Variants in FER observed in about 807,000 individuals in gnomAD.
FER encodes FER tyrosine kinase.
A neutral mutation model predicts 111.0 loss-of-function variants in FER; 63 were observed. The ratio of observed to expected loss-of-function variants is 0.57; its 90% CI spans 0.46 to 0.70. FER has a LOEUF of 0.70. Among genes scored for constraint, FER ranks in the 30% least tolerant of loss-of-function variants. The pLI is 0.00. For synonymous variants in FER, 327 were observed against 313.9 expected, an observed-to-expected ratio of 1.04 and a Z score of -0.44; for missense variants, 914 against 954.0, an observed-to-expected ratio of 0.96 and a Z score of 0.55.
chr5:109,113,930 G>A (rs1243873199), intron 17 of FER, among the ~76,000 whole-genome samples: 4 of 152,008 alleles, frequency 2.6e-5, no homozygotes, highest in Non-Finnish European at 4.4e-5. Flanking sequence ...ATGGGAAATA[G>A]GCAACAGATG....
At chr5:108,769,176 G>A (rs1752633529) in intron 2 of FER, among the ~76,000 whole-genome samples, 1 of 152,138 alleles carries the variant, frequency 6.6e-6, no homozygotes, top group Non-Finnish European at 1.5e-5. Context: ...ATTTGGAGTT[G>A]AGGAGGTGGA....
At chr5:108,890,014 C>T (rs966858600) in intron 9 of FER, among the ~76,000 whole-genome samples, 6 of 151,996 alleles carry the variant, frequency 3.9e-5, no homozygotes, top group African/African-American at 1.4e-4. Flanking sequence ...AATATCACAA[C>T]CCAGATACTG....
chr5:108,846,804 C>T lies in FER; in HGVS notation c.481+10997C>T, dbSNP rs142631170. On this transcript the variant is annotated intron_variant, in intron 5 of 19. Coordinates refer to ENST00000281092, the MANE Select transcript of FER (RefSeq NM_005246.4). Reference sequence around the variant, plus strand: ...TTCACCATGTTAGCCATGATGGTCTCGATCTCCTGACTTTGTGATCTTCCC... The same window carrying T: ...TTCACCATGTTAGCCATGATGGTCTTGATCTCCTGACTTTGTGATCTTCCC... Among the ~76,000 whole-genome samples, 118 of 152,104 alleles carry T rather than the reference C, an allele frequency of 7.8e-4. 1 individual carries two copies. Among genetic ancestry groups the T allele is most frequent in the Admixed American group, 4.0e-3 (61 of 15,280 alleles).
intron 3 of FER, among the ~76,000 whole-genome samples, chr5:108,813,932 G>C (rs942057358): frequency 6.6e-6 from 1 of 152,096 alleles, no homozygotes; most frequent in Non-Finnish European, 1.5e-5. Flanking sequence ...GGAACAAATG[G>C]AGAGAATAAA....
chr5:108,826,944 A>AAT (rs1238017600), intron 3 of FER, among the ~76,000 whole-genome samples: 6 of 152,154 alleles, frequency 3.9e-5, no homozygotes, highest in Non-Finnish European at 8.8e-5. Context: ...GTGGTTTTAG[A>AAT]AACTTTTTTT....
At chr5:109,180,419 C>A (rs925250594) in intron 17 of FER, among the ~76,000 whole-genome samples, 1 of 152,146 alleles carries the variant, frequency 6.6e-6, no homozygotes, top group Non-Finnish European at 1.5e-5. Flanking sequence ...CAATGCTGCT[C>A]TAGGAAAGCC....
At chr5:109,181,260 G>A (rs545786685) in intron 18 of FER, among the ~76,000 whole-genome samples, 6 of 152,248 alleles carry the variant, frequency 3.9e-5, no homozygotes, top group African/African-American at 1.4e-4. Context: ...CTCATCTGAT[G>A]TTAGGTTCCT....
At chr5:108,942,742 C>T (rs187152455) in intron 10 of FER, among the ~76,000 whole-genome samples, 1 of 152,148 alleles carries the variant, frequency 6.6e-6, no homozygotes, top group East Asian at 1.9e-4. Flanking sequence ...ATTTCATTTA[C>T]ATTATGAGCT....
rs771089388 is a variant in FER, at chr5:109,044,660, G to GA, written c.1714-18dup. ...CATGCTGTCATTTACCCCAGACAAT[G>GA]AATGTATTTCTATTTTCAGGGAAAT... On this transcript the variant is annotated intron_variant, in intron 14 of 19. Transcript: ENST00000281092. 8.1e-7 allele frequency: 1 copy of GA among 1,228,428 alleles called. No individual in the cohort carries two copies. Among genetic ancestry groups the GA allele is most frequent in the East Asian group, 2.5e-5 (1 of 40,700 alleles). The allele number at this position is 1,228,428 out of a possible 1,614,324, so 76.1% of individuals were successfully genotyped here.
chr5:109,122,942 A>G (rs924977753), intron 17 of FER, among the ~76,000 whole-genome samples: 11 of 151,948 alleles, frequency 7.2e-5, no homozygotes, highest in African/African-American at 2.7e-4. Flanking sequence ...TTTTATTTTC[A>G]GGATATGTGT....
chr5:108,988,287 A>T (rs1762800171), intron 13 of FER, among the ~76,000 whole-genome samples: 1 of 152,160 alleles, frequency 6.6e-6, no homozygotes, highest in Non-Finnish European at 1.5e-5. Context: ...TTTTGATATT[A>T]GGATGATATT....
chr5:109,100,985 AAATT>A (rs1748161332), intron 17 of FER, among the ~76,000 whole-genome samples: 1 of 151,908 alleles, frequency 6.6e-6, no homozygotes, highest in African/African-American at 2.4e-5. Context: ...TCTTTTGGAC[AAATT>A]AATTTTTCTT....
chr5:108,910,778 C>G (rs1303126808), intron 10 of FER, among the ~76,000 whole-genome samples: 4 of 151,902 alleles, frequency 2.6e-5, no homozygotes, highest in African/African-American at 9.7e-5. Context: ...GATGATGGAT[C>G]ATGGCCTCCA....
At chr5:108,944,454 G>C (rs558486835) in intron 10 of FER, among the ~76,000 whole-genome samples, 2 of 152,050 alleles carry the variant, frequency 1.3e-5, no homozygotes, top group African/African-American at 4.8e-5. Flanking sequence ...TGAGTAAAAT[G>C]AGAGTATCAC....
At chr5:108,958,216 A>G (rs1242290031) in intron 12 of FER, among the ~76,000 whole-genome samples, 3 of 150,108 alleles carry the variant, frequency 2.0e-5, no homozygotes, top group Non-Finnish European at 4.5e-5. Context: ...AAGAGCTTTG[A>G]GTTTTTAAAC....
chr5:109,055,476 A>G (rs1162317793), intron 16 of FER, among the ~76,000 whole-genome samples: 1 of 152,108 alleles, frequency 6.6e-6, no homozygotes, highest in Non-Finnish European at 1.5e-5. Flanking sequence ...TAGAAAAGCA[A>G]ATAACTCAGT....
intron 17 of FER, among the ~76,000 whole-genome samples, chr5:109,110,618 G>A (rs1190833777): frequency 1.3e-5 from 2 of 151,944 alleles, no homozygotes; most frequent in South Asian, 4.2e-4. Flanking sequence ...GGTTTATGAA[G>A]AATCAGTGGA....
intron 13 of FER, among the ~76,000 whole-genome samples, chr5:109,035,905 G>C (rs1770323644): frequency 6.6e-6 from 1 of 152,084 alleles, no homozygotes; most frequent in Non-Finnish European, 1.5e-5. Context: ...GTATATCACT[G>C]GTGACTAATG....
At chr5:108,872,048 A>T (rs1338612951) in intron 7 of FER, 45 bp from the exon 8 acceptor site, 1 of 1,577,536 alleles carries the variant, frequency 6.3e-7, no homozygotes, top group African/African-American at 1.4e-5. Flanking sequence ...ATATATTATG[A>T]TACTGTATTT....
Sources: gnomAD v4.1 joint callset for allele counts (sites outside exome capture counted in the v4.1 genomes callset) on GRCh38, gnomAD v4.1.1 for gene constraint, MANE v1.5 for transcripts, NCBI Gene and HGNC (gene_info 2026-07-23, HGNC 2026-07-21) for gene names.